TOPBP1: variants seen among roughly 807,000 people sequenced by gnomAD.
TOPBP1 encodes DNA topoisomerase 2-binding protein 1.
Under a neutral mutation model 167.7 loss-of-function variants are expected in TOPBP1, and 28 were observed. The ratio of observed to expected loss-of-function variants is 0.17; its 90% confidence interval spans 0.12 to 0.23. The LOEUF is 0.23. TOPBP1 is among the 10% of genes least tolerant of loss of function. The pLI is 1.00. For synonymous variants in TOPBP1, 598 were observed against 611.4 expected (o/e 0.98, Z 0.32); for missense variants, 1,554 against 1,809.6 (o/e 0.86, Z 2.56).
At position 133,618,289 on chromosome 3, in the gene TOPBP1, C is replaced by T; in HGVS notation, c.3516G>A (p.Glu1172=). 6.2e-7 allele frequency: 1 copy of T among 1,613,992 alleles called. No individual in the cohort carries two copies. The highest frequency in any genetic ancestry group is 1.7e-5 in the Admixed American group (1 of 60,018). ...CCAAGTTTTGAATGTCAACCTGAAG[C>T]TCAGAGTATTGTGTGGGACAACTAG... is the stretch of plus-strand genomic sequence containing the variant. ...QWPSCPTQYS[E]LQVDIQNLED... Residue 1172 remains glutamate, a synonymous_variant, in exon 21 of 28, where the codon GAG becomes GAA. Coordinates refer to ENST00000260810, the MANE Select transcript of TOPBP1 (RefSeq NM_007027.4).
In TOPBP1 at chr3:133,643,369, T is replaced by C. The variant is rs1221316078; in HGVS notation, c.1852A>G (p.Thr618Ala). ...AACAAAGTCTGATAGTCTATGCAAG[T>C]AACCTTTTAAAAACAAAAGAAATAG... Reference protein sequence around the residue: ...GEVVTNTWLVTCIDYQTLFDP... With the variant: ...GEVVTNTWLVACIDYQTLFDP... The change falls in exon 12 of 28, where the codon ACT becomes GCT. Residue 618 changes from threonine (T) to alanine (A), a missense_variant. Thr to Ala is a moderately conservative substitution (Grantham distance 58, BLOSUM62 0). Coordinates refer to ENST00000260810, the MANE Select transcript of TOPBP1 (RefSeq NM_007027.4). 1 of 1,570,434 alleles carries C rather than the reference T, an allele frequency of 6.4e-7. No individual in the cohort carries two copies. Among genetic ancestry groups the C allele is most frequent in the Admixed American group, 2.0e-5 (1 of 49,256 alleles).
chr3:133,649,117 T>G (rs921849385), intron 10 of TOPBP1, among the ~76,000 whole-genome samples: 8 of 152,084 alleles, frequency 5.3e-5, no homozygotes, highest in South Asian at 2.1e-4. Context: ...GCTCATGATA[T>G]TACAAACTCA....
intron 8 of TOPBP1, 23 bp from the exon 9 acceptor site, chr3:133,649,966 T>C (rs369068288): frequency 4.1e-5 from 62 of 1,529,198 alleles, no homozygotes; most frequent in Non-Finnish European, 5.3e-5. Flanking sequence ...AAATATTTAA[T>C]ATACATAACA....
chr3:133,612,689 T>G, intron 23 of TOPBP1, 137 bp from the exon 24 acceptor site: 1 of 615,172 alleles, frequency 1.6e-6, no homozygotes, highest in Non-Finnish European at 2.6e-6. Context: ...TTGACTTACT[T>G]AGAATTATTT....
In TOPBP1 at chr3:133,657,953, A is replaced by G. The variant is rs1252750978; in HGVS notation, c.220-12T>C. The G allele has an allele frequency of 6.5e-7, 1 of 1,539,764 alleles. No individual in the cohort carries two copies. Among genetic ancestry groups the G allele is most frequent in the Non-Finnish European group, 8.7e-7 (1 of 1,150,676 alleles). On this transcript the variant is annotated splice_polypyrimidine_tract_variant and intron_variant, in intron 3 of 27. Coordinates refer to ENST00000260810, the MANE Select transcript of TOPBP1 (RefSeq NM_007027.4). The stretch of plus-strand genomic sequence containing the variant: ...ATTCTGCAGCCAAGCTACAAAAAAG[A>G]GAAAAGTTTAAATGAGTTAAGAAGG...
chr3:133,639,224 A>G (rs1300490937), intron 13 of TOPBP1, among the ~76,000 whole-genome samples: 2 of 152,224 alleles, frequency 1.3e-5, no homozygotes, highest in Non-Finnish European at 2.9e-5. Flanking sequence ...ATGTCTATCA[A>G]TGATAGACTG....
chr3:133,637,003 A>G (rs1426643632), intron 14 of TOPBP1, among the ~76,000 whole-genome samples: 2 of 152,158 alleles, frequency 1.3e-5, no homozygotes, highest in African/African-American at 4.8e-5. Context: ...AAATAAAGGC[A>G]TAAATTAGCT....
intron 2 of TOPBP1, 124 bp from the exon 3 acceptor site, chr3:133,659,274 C>A: frequency 2.0e-6 from 2 of 993,158 alleles, no homozygotes; most frequent in South Asian, 3.6e-5. Context: ...TCACTTAGAC[C>A]TCTGCAGAAG....
At position 133,649,637 on chromosome 3, in the gene TOPBP1, C is replaced by A; in HGVS notation, c.1254-4G>T. 6.2e-7 allele frequency: 1 copy of A among 1,612,286 alleles called. No individual in the cohort carries two copies. Among genetic ancestry groups the A allele is most frequent in the Non-Finnish European group, 8.5e-7 (1 of 1,179,266 alleles). ...CTTTGCTCCCACTACATGAGGCCTACAAAAATAGCACATAGTTATGTATTA... is the reference window on the plus strand; with the variant it reads ...CTTTGCTCCCACTACATGAGGCCTAAAAAAATAGCACATAGTTATGTATTA... On this transcript the variant is annotated splice_region_variant and splice_polypyrimidine_tract_variant and intron_variant, in intron 9 of 27. Coordinates refer to ENST00000260810, the MANE Select transcript of TOPBP1 (RefSeq NM_007027.4).
chr3:133,650,160 G>T (rs1018909216), intron 8 of TOPBP1, among the ~76,000 whole-genome samples: 8 of 152,080 alleles, frequency 5.3e-5, no homozygotes, highest in Non-Finnish European at 8.8e-5. Context: ...ATCTTTCACA[G>T]TAGATACTTG....
intron 13 of TOPBP1, among the ~76,000 whole-genome samples, chr3:133,639,548 G>C (rs1481049141): frequency 6.6e-6 from 1 of 152,102 alleles, no homozygotes; most frequent in African/African-American, 2.4e-5. Context: ...GTATACATAT[G>C]TAACAAACCC....
chr3:133,635,609 TA>T (rs930840951), intron 14 of TOPBP1, among the ~76,000 whole-genome samples: 1 of 152,120 alleles, frequency 6.6e-6, no homozygotes, highest in African/African-American at 2.4e-5. Flanking sequence ...TATTTTGAAG[TA>T]AAAAGTGAAA....
rs769717871 is a variant in TOPBP1, at chr3:133,656,891, A to G, written c.364-34T>C. ...CCAAAAGAGAACACATTAATGCTGAAGCAAACAATATTGCTTCCACTTTTA... is the reference window on the plus strand; with the variant it reads ...CCAAAAGAGAACACATTAATGCTGAGGCAAACAATATTGCTTCCACTTTTA... On this transcript the variant is annotated intron_variant, in intron 4 of 27. Transcript: ENST00000260810. 26 of 1,474,228 alleles carry G rather than the reference A, an allele frequency of 1.8e-5. No individual in the cohort carries two copies. The Admixed American group carries it at 4.6e-4, about 26-fold the overall frequency. The allele number at this position is 1,474,228 out of a possible 1,614,324, so 91.3% of individuals were successfully genotyped here. A position where few individuals can be genotyped will look rare whatever the true frequency, so the allele number is the denominator to read the frequency against.
chr3:133,646,513 TG>T (rs1936079874), intron 10 of TOPBP1, among the ~76,000 whole-genome samples: 1 of 151,960 alleles, frequency 6.6e-6, no homozygotes, highest in South Asian at 2.1e-4. Context: ...TAGCTGGGCG[TG>T]GTGGTGCACA....
In TOPBP1 at chr3:133,623,552, T is replaced by C. The variant is rs1935169958; in HGVS notation, c.2929-95A>G. The C allele has an allele frequency of 3.8e-6, 5 of 1,326,418 alleles. No homozygotes were observed. In the Admixed American group the frequency reaches 1.6e-4, roughly 42 times the overall value. The allele number at this position is 1,326,418 out of a possible 1,614,324, so 82.2% of individuals were successfully genotyped here. On this transcript the variant is annotated intron_variant, in intron 17 of 27. Coordinates refer to ENST00000260810, the MANE Select transcript of TOPBP1 (RefSeq NM_007027.4). ...TAAGGACAAGCAATACATTATACTG[T>C]AATATGGCAAAAAGTTCACAAAACT...
Position 133,611,060 on chromosome 3 carries a change from C to T in TOPBP1, c.4117G>A (p.Ala1373Thr), listed in dbSNP as rs766448444. 6.2e-7 allele frequency: 1 copy of T among 1,613,536 alleles called. No homozygotes were observed. Among genetic ancestry groups the T allele is most frequent in the Non-Finnish European group, 8.5e-7 (1 of 1,179,624 alleles). ...ATTTTTTTTCTCCATCTCATTGCTG[C>T]AAGTGCTAGTCTTCGTTGCTGTACA... Reference protein sequence around the residue: ...INVQQRRLALAAMRWRKKIQQ... With the variant: ...INVQQRRLALTAMRWRKKIQQ... Residue 1373 changes from alanine to threonine, a missense_variant, in exon 25 of 28, where the codon GCA (alanine) becomes ACA (threonine). This residue lies in a region of TOPBP1 where 351 missense variants were observed against 432.9 expected (regional missense o/e 0.81). Coordinates refer to ENST00000260810, the MANE Select transcript of TOPBP1 (RefSeq NM_007027.4).
intron 23 of TOPBP1, among the ~76,000 whole-genome samples, chr3:133,613,784 C>CA (rs34880095): frequency 2.4e-5 from 3 of 127,264 alleles, no homozygotes; most frequent in Non-Finnish European, 4.9e-5. Flanking sequence ...ATATCAAGGA[C>CA]TTTTTTTTTT....
intron 11 of TOPBP1, among the ~76,000 whole-genome samples, 160 bp downstream of exon 11, chr3:133,643,860 G>A (rs1418948315): frequency 6.6e-6 from 1 of 152,198 alleles, no homozygotes; most frequent in African/African-American, 2.4e-5. Flanking sequence ...CAAGAAGCTT[G>A]CACATTTAAT....
At chr3:133,639,838 C>T in intron 13 of TOPBP1, 121 bp downstream of exon 13, 2 of 923,504 alleles carry the variant, frequency 2.2e-6, no homozygotes, top group Non-Finnish European at 3.2e-6. Flanking sequence ...GAGACCCTCA[C>T]TGCACCCAAT....
Sources: allele counts gnomAD v4.1 joint callset (sites outside exome capture counted in the v4.1 genomes callset), GRCh38; gene constraint gnomAD v4.1.1; regional missense constraint gnomAD v4.1.1; transcripts MANE v1.5; gene names NCBI Gene and HGNC (gene_info 2026-07-23, HGNC 2026-07-21).